The following ANKFN1 variants were observed in gnomAD, a reference collection of about 807,000 sequenced individuals.
ANKFN1 encodes the protein ankyrin repeat and fibronectin type-III domain-containing protein 1.
A neutral mutation model predicts 108.7 loss-of-function variants in ANKFN1; 74 were observed. The observed-to-expected ratio is 0.68, with a 90% CI of 0.56 to 0.83. ANKFN1 has a LOEUF of 0.83. ANKFN1 is among the 40% of genes least tolerant of loss of function. ANKFN1 has a pLI of 0.00. For synonymous variants in ANKFN1, 547 were observed against 516.2 expected (o/e 1.06, Z -0.81); for missense variants, 1,505 against 1,382.3 (o/e 1.09, Z -1.41).
chr17:56,167,402 T>G (rs944488127), intron 1 of ANKFN1, among the ~76,000 whole-genome samples: 1 of 150,328 alleles, frequency 6.7e-6, no homozygotes, highest in Non-Finnish European at 1.5e-5. Flanking sequence ...ATACTAATAA[T>G]ACAATAATAA....
At chr17:56,408,402 G>A (rs554622245) in intron 8 of ANKFN1, among the ~76,000 whole-genome samples, 26 of 152,122 alleles carry the variant, frequency 1.7e-4, no homozygotes, top group African/African-American at 6.3e-4. Context: ...TTAACTCTGG[G>A]TTCCTGTTAT....
At chr17:56,253,669 G>A (rs1342677079) in intron 3 of ANKFN1, among the ~76,000 whole-genome samples, 1 of 152,084 alleles carries the variant, frequency 6.6e-6, no homozygotes, top group Non-Finnish European at 1.5e-5. Flanking sequence ...AACCTGGGAG[G>A]CAGAGATTGC....
rs537547595 is a variant in ANKFN1 at position 56,456,648 on chromosome 17, G to A, written c.1208-213G>A. On this transcript the variant is annotated intron_variant, in intron 11 of 20. Transcript: ENST00000682825. ...CCTGACCTCGTGATCCGCCCCCCTCGGCCTCCCAAAGTACTGGGATTACCA... is the reference window on the plus strand; with the variant it reads ...CCTGACCTCGTGATCCGCCCCCCTCAGCCTCCCAAAGTACTGGGATTACCA... 7.3e-5 allele frequency among the ~76,000 whole-genome samples: 11 copies of A among 151,678 alleles called. 1 individual carries two copies. In the East Asian group the frequency reaches 1.4e-3, roughly 19 times the overall value.
chr17:56,350,412 C>T (rs2046215439), intron 4 of ANKFN1, among the ~76,000 whole-genome samples: 1 of 151,954 alleles, frequency 6.6e-6, no homozygotes, highest in African/African-American at 2.4e-5. Context: ...TTGAACAGAC[C>T]CCCTAGGTTA....
intron 8 of ANKFN1, 91 bp downstream of exon 8, chr17:56,374,805 C>A: frequency 9.7e-7 from 1 of 1,035,458 alleles, no homozygotes; most frequent in Non-Finnish European, 1.4e-6. Flanking sequence ...GTTTGTTTTT[C>A]CTACTGATAG....
chr17:56,516,402 T>C lies in ANKFN1; in HGVS notation c.*5133T>C, dbSNP rs1219710016. Among the ~76,000 whole-genome samples the C allele has an allele frequency of 6.6e-6, 1 of 152,172 alleles. No homozygotes were observed. Among genetic ancestry groups the C allele is most frequent in the Non-Finnish European group, 1.5e-5 (1 of 68,022 alleles). On this transcript the variant is annotated 3_prime_UTR_variant, in exon 21 of 21. Transcript: ENST00000682825. The stretch of plus-strand genomic sequence containing the variant: ...ACATAGCAATCTGGCTGATTATTGG[T>C]TGTTACTTGTTCAGAATTTATTGTG...
rs368093634 is a variant in ANKFN1 at position 56,482,337 on chromosome 17, C to A, written c.2092-19C>A. 6.4e-7 allele frequency: 1 copy of A among 1,552,250 alleles called. No homozygotes were observed. On this transcript the variant is annotated intron_variant, in intron 17 of 20. Coordinates refer to ENST00000682825, the MANE Select transcript of ANKFN1 (RefSeq NM_001370326.1). ...TGTTGTAACTCTCCTATTTTTCCTC[C>A]GCGCGTGTCCCTCTGCAGGCAAGGA...
At chr17:56,283,524 G>GAGATATATATATATATATATAT (rs1555622129) in intron 3 of ANKFN1, among the ~76,000 whole-genome samples, 4 of 141,532 alleles carry the variant, frequency 2.8e-5, no homozygotes, top group African/African-American at 1.2e-4. Flanking sequence ...AAGAAACTGT[G>GAGATATATATATATATATATAT]ATATATATAT....
At chr17:56,450,101 C>T (rs1209329662) in intron 11 of ANKFN1, among the ~76,000 whole-genome samples, 1 of 152,114 alleles carries the variant, frequency 6.6e-6, no homozygotes, top group Non-Finnish European at 1.5e-5. Context: ...CTCCATTGTG[C>T]GCTGTAGATT....
intron 4 of ANKFN1, among the ~76,000 whole-genome samples, chr17:56,079,649 A>G (rs1341569278): frequency 2.0e-5 from 3 of 151,996 alleles, no homozygotes; most frequent in African/African-American, 7.3e-5. Context: ...GGATAAAGAA[A>G]AAGAGAAATG....
chr17:56,480,539 C>A (rs1266957648), intron 16 of ANKFN1, 129 bp from the exon 17 acceptor site: 5 of 989,702 alleles, frequency 5.1e-6, no homozygotes, highest in Non-Finnish European at 7.4e-6. Flanking sequence ...GTTCAAATTT[C>A]ATGAATTACA....
chr17:56,481,944 A>G (rs2050720237), intron 17 of ANKFN1, among the ~76,000 whole-genome samples: 1 of 152,058 alleles, frequency 6.6e-6, no homozygotes, highest in African/African-American at 2.4e-5. Context: ...AACAGTGCAT[A>G]CAACTTTTTT....
chr17:56,089,991 A>T (rs142925315), intron 4 of ANKFN1, among the ~76,000 whole-genome samples: 2 of 151,658 alleles, frequency 1.3e-5, no homozygotes, highest in African/African-American at 4.8e-5. Context: ...GAAAGCATCC[A>T]TGCTTACTGT....
intron 8 of ANKFN1, among the ~76,000 whole-genome samples, chr17:56,395,453 A>T (rs1374384087): frequency 6.6e-6 from 1 of 152,202 alleles, no homozygotes; most frequent in Non-Finnish European, 1.5e-5. Flanking sequence ...CCTCCCAAAG[A>T]CACAGAGTGG....
chr17:56,356,090 T>C (rs2046368773), intron 6 of ANKFN1, among the ~76,000 whole-genome samples: 1 of 152,150 alleles, frequency 6.6e-6, no homozygotes, highest in Non-Finnish European at 1.5e-5. Context: ...TGTTTTGAAG[T>C]AGAGCTGATA....
intron 4 of ANKFN1, among the ~76,000 whole-genome samples, chr17:56,046,540 A>G (rs1332548103): frequency 6.6e-6 from 1 of 152,050 alleles, no homozygotes; most frequent in Admixed American, 6.6e-5. Flanking sequence ...CAGGTGGGAC[A>G]TATTTTCTTT....
At chr17:56,239,679 A>G (rs1917435128) in intron 3 of ANKFN1, among the ~76,000 whole-genome samples, 1 of 152,142 alleles carries the variant, frequency 6.6e-6, no homozygotes, top group African/African-American at 2.4e-5. Context: ...ACAGGCATCA[A>G]GGATTAGACA....
chr17:56,244,005 G>T (rs556145247), intron 3 of ANKFN1, among the ~76,000 whole-genome samples: 10 of 152,188 alleles, frequency 6.6e-5, no homozygotes, highest in African/African-American at 2.2e-4. Flanking sequence ...GGAACTATCA[G>T]GGGTGGGGAG....
At position 56,511,814 on chromosome 17, in the gene ANKFN1, A is replaced by G. The variant is rs992862803; in HGVS notation, c.*545A>G. On this transcript the variant is annotated 3_prime_UTR_variant, in exon 21 of 21. Transcript: ENST00000682825. ...CCTGTCAGCTAAACTAGGTCATTCC[A>G]AAGTGCAGAATTCTCAGGGCTCACC... is the stretch of plus-strand genomic sequence containing the variant. Among the ~76,000 whole-genome samples the G allele has an allele frequency of 3.3e-5, 5 of 152,230 alleles. No individual in the cohort carries two copies. Among genetic ancestry groups the G allele is most frequent in the African/African-American group, 1.2e-4 (5 of 41,460 alleles).
Sources: allele counts gnomAD v4.1 joint callset (sites outside exome capture counted in the v4.1 genomes callset), GRCh38; gene constraint gnomAD v4.1.1; transcripts MANE v1.5; gene names NCBI Gene and HGNC (gene_info 2026-07-23, HGNC 2026-07-21).